The following ACBD6 variants were observed in gnomAD, a reference collection of about 807,000 sequenced individuals.
ACBD6 encodes the protein acyl-CoA binding domain containing 6, also known as acyl-CoA-binding domain-containing protein 6.
In ACBD6, 28 loss-of-function variants were observed where a neutral mutation model predicts 37.2. That is an observed-to-expected ratio of 0.75 (90% CI 0.56 to 1.03). ACBD6 has a LOEUF of 1.03. Ranked by LOEUF, ACBD6 falls within the 50% of genes least tolerant of loss-of-function variation. ACBD6 has a pLI of 0.00. For synonymous variants in ACBD6, 113 were observed against 126.8 expected (o/e 0.89, Z 0.73); for missense variants, 340 against 337.4 (o/e 1.01, Z -0.06).
At chr1:180,339,256 C>A (rs1345436445) in intron 6 of ACBD6, among the ~76,000 whole-genome samples, 2 of 152,132 alleles carry the variant, frequency 1.3e-5, no homozygotes, top group Non-Finnish European at 2.9e-5. Flanking sequence ...GCACTATTCA[C>A]AATAGCAAAG....
intron 3 of ACBD6, among the ~76,000 whole-genome samples, chr1:180,433,228 T>C (rs1187460472): frequency 6.6e-6 from 1 of 152,142 alleles, no homozygotes; most frequent in Non-Finnish European, 1.5e-5. Flanking sequence ...AATGTAAAGA[T>C]GGTTCAACAT....
chr1:180,371,205 T>C (rs1028025458), intron 6 of ACBD6, among the ~76,000 whole-genome samples: 15 of 150,506 alleles, frequency 1.0e-4, no homozygotes, highest in Admixed American at 9.2e-4. Context: ...AGATCAAATA[T>C]ATATATATAT....
At chr1:180,353,447 C>T (rs187813481) in intron 6 of ACBD6, among the ~76,000 whole-genome samples, 1 of 152,136 alleles carries the variant, frequency 6.6e-6, no homozygotes, top group African/African-American at 2.4e-5. Flanking sequence ...AACTGCAACT[C>T]TGAACATCTA....
intron 6 of ACBD6, among the ~76,000 whole-genome samples, chr1:180,364,556 T>A (rs1652972373): frequency 6.6e-6 from 1 of 152,062 alleles, no homozygotes. Flanking sequence ...CAGACATAGA[T>A]TTAACAGGTA....
intron 8 of ACBD6, among the ~76,000 whole-genome samples, chr1:180,282,718 A>G (rs1342872143): frequency 6.6e-6 from 1 of 152,056 alleles, no homozygotes; most frequent in Non-Finnish European, 1.5e-5. Flanking sequence ...AAGAAACTAC[A>G]TTACTGGTGG....
chr1:180,277,653 G>C (rs1346369009), intron 9 of ACBD6: 1 of 152,210 alleles, frequency 6.6e-6, no homozygotes, highest in Non-Finnish European at 1.5e-5. Flanking sequence ...TTGGGAGTCA[G>C]GTTCTTGGCC....
At chr1:180,291,363 C>T (rs558144962) in intron 7 of ACBD6, among the ~76,000 whole-genome samples, 35 of 152,258 alleles carry the variant, frequency 2.3e-4, no homozygotes, top group African/African-American at 7.7e-4. Context: ...TCCTTTGCAC[C>T]CTTACCAGCA....
chr1:180,308,274 C>T (rs566467437), intron 7 of ACBD6, among the ~76,000 whole-genome samples: 1 of 152,252 alleles, frequency 6.6e-6, no homozygotes, highest in African/African-American at 2.4e-5. Flanking sequence ...CCAAGTTTTA[C>T]TGAAGTTCCT....
chr1:180,297,655 C>T (rs1649976355), intron 7 of ACBD6, among the ~76,000 whole-genome samples: 1 of 152,186 alleles, frequency 6.6e-6, no homozygotes, highest in African/African-American at 2.4e-5. Flanking sequence ...ACGGTATCAT[C>T]TTTACCAAGG....
At chr1:180,332,198 A>G (rs1030013275) in intron 6 of ACBD6, among the ~76,000 whole-genome samples, 6 of 152,174 alleles carry the variant, frequency 3.9e-5, no homozygotes, top group African/African-American at 1.4e-4. Flanking sequence ...AGTTTGTGGC[A>G]CTTTGTTACA....
At chr1:180,367,574 T>C (rs570948262) in intron 6 of ACBD6, among the ~76,000 whole-genome samples, 9 of 152,182 alleles carry the variant, frequency 5.9e-5, no homozygotes, top group Non-Finnish European at 1.3e-4. Context: ...CCAGTGTCTA[T>C]TGTTCCCTTC....
At chr1:180,286,381 T>C (rs755036270), downstream of ACBD6, among the ~76,000 whole-genome samples, 1 of 152,202 alleles carries the variant, frequency 6.6e-6, no homozygotes, top group Non-Finnish European at 1.5e-5. Context: ...AAGTTCGAAC[T>C]GCTAAAGAGA....
At chr1:180,484,067 G>GT (rs1295728534) in intron 3 of ACBD6, among the ~76,000 whole-genome samples, 1 of 152,158 alleles carries the variant, frequency 6.6e-6, no homozygotes, top group Non-Finnish European at 1.5e-5. Context: ...AAGACTTACA[G>GT]TTTGGTGGTC....
At chr1:180,456,207 A>G (rs1368437291) in intron 3 of ACBD6, among the ~76,000 whole-genome samples, 2 of 118,754 alleles carry the variant, frequency 1.7e-5, no homozygotes, top group Admixed American at 9.0e-5. Flanking sequence ...GCGAGACACC[A>G]TTTCAAAAAA....
At chr1:180,335,098 T>C (rs1651648737) in intron 6 of ACBD6, among the ~76,000 whole-genome samples, 1 of 152,094 alleles carries the variant, frequency 6.6e-6, no homozygotes, top group South Asian at 2.1e-4. Flanking sequence ...CAGGATATTA[T>C]CCAGGAGAAC....
chr1:180,373,897 TTTAC>T (rs1653345499), intron 6 of ACBD6, among the ~76,000 whole-genome samples: 1 of 152,146 alleles, frequency 6.6e-6, no homozygotes. Flanking sequence ...TAAAAACCCT[TTTAC>T]TTATTTATTT....
At chr1:180,446,665 A>G (rs944802751) in intron 3 of ACBD6, among the ~76,000 whole-genome samples, 5 of 152,212 alleles carry the variant, frequency 3.3e-5, no homozygotes, top group African/African-American at 4.8e-5. Flanking sequence ...GGGGAACTCC[A>G]TAAACGTATG....
chr1:180,403,175 CT>C (rs1047772398), intron 5 of ACBD6, among the ~76,000 whole-genome samples: 12 of 152,166 alleles, frequency 7.9e-5, no homozygotes, highest in African/African-American at 2.9e-4. Flanking sequence ...CGGTGGTTAC[CT>C]TTTTGGGATT....
chr1:180,321,758 T>A (rs1651081033), intron 6 of ACBD6, among the ~76,000 whole-genome samples: 1 of 152,184 alleles, frequency 6.6e-6, no homozygotes, highest in Non-Finnish European at 1.5e-5. Context: ...CTAATTGTTT[T>A]ACGGTGGAGT....
Sources: gnomAD v4.1 joint callset for allele counts (sites outside exome capture counted in the v4.1 genomes callset) on GRCh38, gnomAD v4.1.1 for gene constraint, MANE v1.5 for transcripts, NCBI Gene and HGNC (gene_info 2026-07-23, HGNC 2026-07-21) for gene names.